The following RARB variants were observed in gnomAD, a reference collection of about 807,000 sequenced individuals.
The protein encoded by RARB is retinoic acid receptor beta.
Under a neutral mutation model 51.9 loss-of-function variants are expected in RARB, and 17 were observed. The observed-to-expected ratio is 0.33, with a 90% CI of 0.22 to 0.49. The LOEUF (loss-of-function observed/expected upper bound fraction) is 0.49, where lower values mean the gene tolerates loss of function less well. Ranked by LOEUF, RARB falls within the 20% of genes least tolerant of loss-of-function variation. The pLI is 0.99. For synonymous variants in RARB, 215 were observed against 195.4 expected, an observed-to-expected ratio of 1.10 and a Z score of -0.84; for missense variants, 369 against 550.8, an observed-to-expected ratio of 0.67 and a Z score of 3.30.
intron 2 of RARB, among the ~76,000 whole-genome samples, chr3:24,968,541 CTT>C (rs1041016884): frequency 6.6e-6 from 1 of 152,070 alleles, no homozygotes; most frequent in Non-Finnish European, 1.5e-5. Flanking sequence ...TGGACTACCT[CTT>C]GTTTCTGTGG....
At chr3:25,413,024 GAA>G (rs796909356) in intron 5 of RARB, among the ~76,000 whole-genome samples, 6 of 140,626 alleles carry the variant, frequency 4.3e-5, no homozygotes, top group Admixed American at 7.1e-5. Context: ...CATCTTGGGG[GAA>G]AAAAAAAAAA....
chr3:25,016,099 G>A (rs1013605735), intron 2 of RARB, among the ~76,000 whole-genome samples: 2 of 152,168 alleles, frequency 1.3e-5, no homozygotes, highest in Non-Finnish European at 2.9e-5. Flanking sequence ...TTGGAATTTT[G>A]CAAGGGCAAA....
chr3:25,579,895 C>T (rs559422783), intron 4 of RARB, among the ~76,000 whole-genome samples: 10 of 152,080 alleles, frequency 6.6e-5, no homozygotes, highest in African/African-American at 9.7e-5. Flanking sequence ...TGACAGGTGG[C>T]GTGTTTTTAA....
At chr3:25,194,950 C>G (rs574071600) in intron 5 of RARB, among the ~76,000 whole-genome samples, 2 of 152,028 alleles carry the variant, frequency 1.3e-5, no homozygotes, top group Admixed American at 6.6e-5. Context: ...GACACTAATT[C>G]ATACTAAAGA....
rs78182010 is a variant in RARB at position 25,584,089 on chromosome 3, G to A, written c.786+3367G>A. On this transcript the variant is annotated intron_variant, in intron 5 of 7. Coordinates refer to ENST00000330688, the MANE Select transcript of RARB (RefSeq NM_000965.5). ...TCTCTCTCAACTTAAAATAAAAATC[G>A]TAAAAACAAACCTTGAGGTGGTCAG... is the stretch of plus-strand genomic sequence containing the variant. 3.2e-3 allele frequency among the ~76,000 whole-genome samples: 485 copies of A among 152,124 alleles called. 2 individuals carry two copies. Among genetic ancestry groups the A allele is most frequent in the African/African-American group, 0.011 (458 of 41,478 alleles).
intron 3 of RARB, among the ~76,000 whole-genome samples, chr3:25,115,608 CTT>C (rs753723425): frequency 6.0e-5 from 9 of 148,854 alleles, no homozygotes; most frequent in Admixed American, 1.4e-4. Context: ...TCTTTTCTTT[CTT>C]TCTCTTCCTT....
chr3:24,882,344 G>C (rs1703183418), intron 2 of RARB, among the ~76,000 whole-genome samples: 1 of 152,202 alleles, frequency 6.6e-6, no homozygotes, highest in Non-Finnish European at 1.5e-5. Flanking sequence ...GATATTCCTT[G>C]TTATTCACTA....
In RARB at chr3:25,407,681, C is replaced by T. The variant is rs78765808; in HGVS notation, c.179-53512C>T. On this transcript the variant is annotated intron_variant, in intron 5 of 11. Coordinates refer to the RARB transcript ENST00000383772. The stretch of plus-strand genomic sequence containing the variant: ...GAATTGCAGATAACTGTCAGAGTCC[C>T]ATTCATATCCTTTTACCCTCCCTTC... 2.7e-3 allele frequency among the ~76,000 whole-genome samples: 410 copies of T among 152,188 alleles called. 4 individuals are homozygous for T. Among genetic ancestry groups the T allele is most frequent in the African/African-American group, 9.3e-3 (388 of 41,520 alleles).
intron 2 of RARB, among the ~76,000 whole-genome samples, chr3:25,465,265 G>T (rs539176292): frequency 6.6e-6 from 1 of 152,200 alleles, no homozygotes; most frequent in East Asian, 1.9e-4. Flanking sequence ...CTTGAATTCT[G>T]CCTGTATTTA....
chr3:24,940,775 C>T (rs1695647847), intron 2 of RARB, among the ~76,000 whole-genome samples: 1 of 152,178 alleles, frequency 6.6e-6, no homozygotes. Flanking sequence ...AGTCATAAGG[C>T]TCAGGGATTG....
chr3:25,434,088 T>TGAC (rs1708321881), intron 1 of RARB, among the ~76,000 whole-genome samples: 1 of 152,190 alleles, frequency 6.6e-6, no homozygotes, highest in Non-Finnish European at 1.5e-5. Flanking sequence ...TAACAGGAAC[T>TGAC]GACGTCAGCA....
chr3:24,990,810 A>T (rs1350094046), intron 2 of RARB, among the ~76,000 whole-genome samples: 3 of 152,208 alleles, frequency 2.0e-5, no homozygotes, highest in African/African-American at 7.2e-5. Flanking sequence ...CAAGCATCCA[A>T]CAAATCCCAC....
At chr3:25,287,349 A>AG (rs539732819) in intron 5 of RARB, among the ~76,000 whole-genome samples, 187 of 152,280 alleles carry the variant, frequency 1.2e-3, no homozygotes, top group Non-Finnish European at 2.4e-3. Flanking sequence ...TCCATATACA[A>AG]GGGAGAGAAA....
intron 2 of RARB, among the ~76,000 whole-genome samples, chr3:25,039,501 G>A (rs529022116): frequency 6.6e-6 from 1 of 152,288 alleles, no homozygotes; most frequent in Admixed American, 6.5e-5. Flanking sequence ...TTAGGAAATA[G>A]GGCCACGGTA....
At chr3:25,018,057 T>G (rs921851045) in intron 2 of RARB, among the ~76,000 whole-genome samples, 2 of 152,186 alleles carry the variant, frequency 1.3e-5, no homozygotes, top group Non-Finnish European at 2.9e-5. Context: ...AGTAAATTTG[T>G]TATTTATAAT....
intron 5 of RARB, among the ~76,000 whole-genome samples, chr3:25,275,031 G>T (rs1214399943): frequency 2.0e-5 from 3 of 152,136 alleles, no homozygotes; most frequent in Non-Finnish European, 4.4e-5. Context: ...CAAAAATACT[G>T]TTTTTTAAAA....
At chr3:24,975,232 A>C (rs1042681910) in intron 2 of RARB, among the ~76,000 whole-genome samples, 1 of 152,132 alleles carries the variant, frequency 6.6e-6, no homozygotes, top group Non-Finnish European at 1.5e-5. Flanking sequence ...TGATAATTCT[A>C]ATTCTATCTC....
At chr3:25,194,897 G>C (rs368683165) in intron 5 of RARB, among the ~76,000 whole-genome samples, 1 of 151,796 alleles carries the variant, frequency 6.6e-6, no homozygotes, top group African/African-American at 2.4e-5. Context: ...TCTTTTCCTG[G>C]CTCTGCTTTT....
At chr3:24,998,492 TA>T (rs573159333) in intron 2 of RARB, among the ~76,000 whole-genome samples, 2,579 of 147,120 alleles carry the variant, frequency 0.018, 32 homozygotes, top group Non-Finnish European at 0.02. Flanking sequence ...CTTGCTGCCT[TA>T]AAAAAAAAAA....
Sources: allele counts gnomAD v4.1 joint callset (sites outside exome capture counted in the v4.1 genomes callset), GRCh38; gene constraint gnomAD v4.1.1; transcripts MANE v1.5; gene names NCBI Gene and HGNC (gene_info 2026-07-23, HGNC 2026-07-21).